Variants in ITGA4 observed in about 807,000 individuals in gnomAD.
ITGA4 encodes the protein integrin subunit alpha 4, also known as integrin alpha-4.
A neutral mutation model predicts 133.6 loss-of-function variants in ITGA4; 63 were observed. The ratio of observed to expected loss-of-function variants is 0.47; its 90% CI spans 0.38 to 0.58. The LOEUF (loss-of-function observed/expected upper bound fraction) is 0.58. Ranked by LOEUF, ITGA4 falls within the 20% of genes least tolerant of loss-of-function variation. The pLI is 0.00. For synonymous variants in ITGA4, 483 were observed against 438.0 expected (o/e 1.10, Z -1.28); for missense variants, 1,076 against 1,252.7 (o/e 0.86, Z 2.13).
intron 2 of ITGA4, among the ~76,000 whole-genome samples, chr2:181,470,060 A>G (rs1256081185): frequency 6.6e-6 from 1 of 152,070 alleles, no homozygotes; most frequent in Non-Finnish European, 1.5e-5. Flanking sequence ...AACTTAAAGT[A>G]TAATAATAAA....
At chr2:181,518,960 C>G (rs1027423703) in intron 17 of ITGA4, among the ~76,000 whole-genome samples, 3 of 151,760 alleles carry the variant, frequency 2.0e-5, no homozygotes, top group Non-Finnish European at 2.9e-5. Flanking sequence ...AAGAATCTCT[C>G]CTAGATAGAA....
chr2:181,495,969 G>A lies in ITGA4; in HGVS notation c.1540+32G>A. 1 of 1,604,620 alleles carries A rather than the reference G, an allele frequency of 6.2e-7. No individual in the cohort carries two copies. The highest frequency in any genetic ancestry group is 8.5e-7 in the Non-Finnish European group (1 of 1,173,842). On this transcript the variant is annotated intron_variant, in intron 14 of 27. Transcript: ENST00000397033. This position sits in a 1 kb window ranked among gnomAD's most constrained non-coding sequence, Gnocchi z 4.3. ...ATGCCCTACAATATTAATGCTTGATGGGGTGCGGTTCATTCATTAATCCCA... is the reference window on the plus strand; with the variant it reads ...ATGCCCTACAATATTAATGCTTGATAGGGTGCGGTTCATTCATTAATCCCA...
intron 15 of ITGA4, among the ~76,000 whole-genome samples, chr2:181,503,472 T>G (rs997932108): frequency 7.9e-5 from 12 of 152,042 alleles, no homozygotes; most frequent in African/African-American, 2.9e-4. Flanking sequence ...TTTTCTTAAG[T>G]CTAATCATAA....
At chr2:181,488,421 A>T (rs978524601) in intron 10 of ITGA4, among the ~76,000 whole-genome samples, 31 of 152,312 alleles carry the variant, frequency 2.0e-4, no homozygotes, top group Non-Finnish European at 4.3e-4. Flanking sequence ...ATGATTTTTT[A>T]AAATATTCCT....
intron 4 of ITGA4, among the ~76,000 whole-genome samples, chr2:181,478,323 CAA>C (rs532252126): frequency 3.5e-4 from 53 of 152,044 alleles, no homozygotes; most frequent in African/African-American, 1.3e-3. Flanking sequence ...GGAAATTTGC[CAA>C]GAGAGTAGAT....
Position 181,534,823 on chromosome 2 carries a change from T to G in ITGA4, c.2891T>G (p.Leu964Arg), listed in dbSNP as rs1363575110. The G allele has an allele frequency of 6.3e-7, 1 of 1,589,954 alleles. No homozygotes were observed. The highest frequency in any genetic ancestry group is 8.5e-7 in the Non-Finnish European group (1 of 1,172,950). ...TTTTCTTAACTCACGTAGGTTCTAC[T>G]GGAAGGACTACATCATCAAAGACCC... ...NKDENVAHVL[L>R]EGLHHQRPKR... The change falls in exon 27 of 28, where the codon CTG becomes CGG. Residue 964 changes from leucine to arginine, a missense_variant. Leu to Arg is a moderately radical substitution (Grantham distance 102). Transcript: ENST00000397033.
chr2:181,513,666 G>A (rs931933236), intron 17 of ITGA4, among the ~76,000 whole-genome samples: 3 of 152,040 alleles, frequency 2.0e-5, no homozygotes, highest in African/African-American at 7.2e-5. Flanking sequence ...AAACTCCTGG[G>A]TGGTATTTTT....
intron 15 of ITGA4, among the ~76,000 whole-genome samples, chr2:181,500,880 A>G (rs1441155353): frequency 3.3e-5 from 5 of 152,184 alleles, no homozygotes; most frequent in African/African-American, 9.7e-5. Context: ...AAAAAATAAT[A>G]TGATAAAAAT....
rs748439781 is a variant in ITGA4 at position 181,538,426 on chromosome 2, C to G, written c.*2899C>G. 2.0e-5 allele frequency among the ~76,000 whole-genome samples: 3 copies of G among 152,070 alleles called. No individual in the cohort carries two copies. The highest frequency in any genetic ancestry group is 4.4e-5 in the Non-Finnish European group (3 of 67,998). On this transcript the variant is annotated 3_prime_UTR_variant, in exon 28 of 28. Coordinates refer to ENST00000397033, the MANE Select transcript of ITGA4 (RefSeq NM_000885.6). ...TAAATCATCAACAACAATAATTGCT[C>G]TAAAACCTCCTTAACTGACTTCCTT...
At chr2:181,494,924 T>A in intron 12 of ITGA4, 112 bp downstream of exon 12, 2 of 647,066 alleles carry the variant, frequency 3.1e-6, no homozygotes, top group Middle Eastern at 4.2e-4. Context: ...ACTGATAATT[T>A]TTTTTCTTCA....
chr2:181,460,286 C>T (rs73974897), intron 2 of ITGA4, among the ~76,000 whole-genome samples: 4 of 151,984 alleles, frequency 2.6e-5, no homozygotes, highest in Non-Finnish European at 1.5e-5. Flanking sequence ...GAGTATTTGC[C>T]GAAGAGTTGA....
At position 181,478,812 on chromosome 2, in the gene ITGA4, T is replaced by C; in HGVS notation, c.612T>C (p.Ser204=). 6.8e-7 allele frequency: 1 copy of C among 1,466,096 alleles called. No individual in the cohort carries two copies. Among genetic ancestry groups the C allele is most frequent in the Non-Finnish European group, 9.2e-7 (1 of 1,089,946 alleles). The allele number at this position is 1,466,096 out of a possible 1,614,324, so 90.8% of individuals were successfully genotyped here. Residue 204 remains serine, a synonymous_variant, in exon 5 of 28, where the codon AGT becomes AGC. Coordinates refer to ENST00000397033, the MANE Select transcript of ITGA4 (RefSeq NM_000885.6). The stretch of plus-strand genomic sequence containing the variant: ...CATCATGTCAAGCTGGAATATCCAG[T>C]TTTTACACAAAGGTAATTGTTCAAA... ...NFASCQAGIS[S]FYTKDLIVMG...
Position 181,538,795 on chromosome 2 carries a change from A to C in ITGA4, c.*3268A>C, listed in dbSNP as rs1687339977. On this transcript the variant is annotated 3_prime_UTR_variant, in exon 28 of 28. Transcript: ENST00000397033. Reference sequence around the variant, plus strand: ...TTTAAGATCTTGATCCATTTTTAAAAATCCAAAATGGAAGTTGTAGACATT... The same window carrying C: ...TTTAAGATCTTGATCCATTTTTAAACATCCAAAATGGAAGTTGTAGACATT... Among the ~76,000 whole-genome samples the C allele has an allele frequency of 6.6e-6, 1 of 152,192 alleles. No individual in the cohort carries two copies. Among genetic ancestry groups the C allele is most frequent in the Non-Finnish European group, 1.5e-5 (1 of 68,020 alleles).
chr2:181,502,375 C>A (rs567867783), intron 15 of ITGA4, among the ~76,000 whole-genome samples: 23 of 152,138 alleles, frequency 1.5e-4, no homozygotes, highest in African/African-American at 5.3e-4. Flanking sequence ...TCTTTTAAGA[C>A]AGGAGAAGTA....
intron 9 of ITGA4, among the ~76,000 whole-genome samples, chr2:181,484,290 C>T (rs552582104): frequency 1.2e-4 from 18 of 152,166 alleles, no homozygotes; most frequent in Non-Finnish European, 2.1e-4. Flanking sequence ...TGACTGGCTT[C>T]TGCCTACTTG....
intron 14 of ITGA4, among the ~76,000 whole-genome samples, chr2:181,497,833 G>T (rs1211836670): frequency 6.6e-6 from 1 of 151,362 alleles, no homozygotes; most frequent in Non-Finnish European, 1.5e-5. Flanking sequence ...CACTTTCTTG[G>T]TAAGATCTGG....
Position 181,495,653 on chromosome 2 carries a change from A to T in ITGA4, c.1386-130A>T. On this transcript the variant is annotated intron_variant, in intron 13 of 27. Transcript: ENST00000397033. The surrounding 1 kb of genome is among the most constrained non-coding windows in gnomAD (Gnocchi z 4.3). ...ATTTTGCCCTGTGCACAGAAATGTA[A>T]TTAGTATGTACACACATAATAAGAC... 2 of 768,868 alleles carry T rather than the reference A, an allele frequency of 2.6e-6. No individual in the cohort carries two copies. Among genetic ancestry groups the T allele is most frequent in the Non-Finnish European group, 4.2e-6 (2 of 478,112 alleles). The allele number at this position is 768,868 out of a possible 1,614,324, so 47.6% of individuals were successfully genotyped here. A position where few individuals can be genotyped will look rare whatever the true frequency, so the allele number is the denominator to read the frequency against.
intron 22 of ITGA4, among the ~76,000 whole-genome samples, chr2:181,528,526 G>T (rs1320998531): frequency 6.6e-6 from 1 of 152,186 alleles, no homozygotes; most frequent in East Asian, 1.9e-4. Flanking sequence ...TATTCTTAGA[G>T]GTTTAATTGT....
chr2:181,530,141 G>A (rs1281391722), intron 23 of ITGA4, among the ~76,000 whole-genome samples: 3 of 152,176 alleles, frequency 2.0e-5, no homozygotes, highest in Non-Finnish European at 2.9e-5. Flanking sequence ...TACTAAATAG[G>A]TTTGAGGTCT....
Sources: allele counts gnomAD v4.1 joint callset (sites outside exome capture counted in the v4.1 genomes callset), GRCh38; gene constraint gnomAD v4.1.1; non-coding constraint Gnocchi (gnomAD v3.1); transcripts MANE v1.5; gene names NCBI Gene and HGNC (gene_info 2026-07-23, HGNC 2026-07-21).